The following STK32A variants were observed in gnomAD, a reference collection of about 807,000 sequenced individuals.
The protein encoded by STK32A is serine/threonine kinase 32A.
Under a neutral mutation model 53.2 loss-of-function variants are expected in STK32A, and 41 were observed. The ratio of observed to expected loss-of-function variants is 0.77; its 90% confidence interval spans 0.60 to 1.00. The LOEUF is 1.00. STK32A is among the 50% of genes least tolerant of loss of function. The pLI, the probability that STK32A is intolerant of heterozygous loss-of-function variation, is 0.00. For synonymous variants in STK32A, 166 were observed against 162.8 expected (o/e 1.02, Z -0.15); for missense variants, 458 against 485.8 (o/e 0.94, Z 0.54).
intron 2 of STK32A, among the ~76,000 whole-genome samples, chr5:147,251,471 C>T (rs1477277094): frequency 6.6e-6 from 1 of 152,212 alleles, no homozygotes. Context: ...AAGATTAAGC[C>T]ACTGACCTTA....
chr5:147,286,068 T>C (rs1023946030), intron 4 of STK32A, among the ~76,000 whole-genome samples: 1 of 152,154 alleles, frequency 6.6e-6, no homozygotes, highest in Admixed American at 6.6e-5. Context: ...GTGGTATATG[T>C]ATACATGATG....
intron 2 of STK32A, among the ~76,000 whole-genome samples, chr5:147,245,546 G>C (rs1753741630): frequency 6.6e-6 from 1 of 152,084 alleles, no homozygotes; most frequent in Admixed American, 6.6e-5. Context: ...TTACAGGAGA[G>C]AGTGGACTTG....
At chr5:147,288,908 T>C (rs1332355033) in intron 4 of STK32A, among the ~76,000 whole-genome samples, 1 of 152,210 alleles carries the variant, frequency 6.6e-6, no homozygotes, top group African/African-American at 2.4e-5. Flanking sequence ...TTTACATTTA[T>C]AAATGAAATG....
intron 4 of STK32A, among the ~76,000 whole-genome samples, chr5:147,310,161 G>A (rs1228672960): frequency 6.6e-6 from 1 of 152,162 alleles, no homozygotes; most frequent in Non-Finnish European, 1.5e-5. Flanking sequence ...GAGAATAGTA[G>A]AGCCCCTGAG....
chr5:147,269,269 C>A (rs947741847), intron 2 of STK32A, among the ~76,000 whole-genome samples: 1 of 152,140 alleles, frequency 6.6e-6, no homozygotes, highest in East Asian at 1.9e-4. Context: ...GACTGTAGGA[C>A]CCCTGAAGGC....
At position 147,279,327 on chromosome 5, in the gene STK32A, T is replaced by C. The variant is rs1452373023; in HGVS notation, c.189T>C (p.Asn63=). Residue 63 remains asparagine, a synonymous_variant, in exon 4 of 13, where the codon AAT becomes AAC. Coordinates refer to ENST00000397936, the MANE Select transcript of STK32A (RefSeq NM_001112724.2). ...YMNKQKCVER[N]EVRNVFKELQ... ...ATAAACAAAAGTGCGTGGAGCGCAA[T>C]GAAGTGAGAAATGTCTTCAAGGAAC... 1.9e-6 allele frequency: 3 copies of C among 1,613,694 alleles called. No individual in the cohort carries two copies. Among genetic ancestry groups the C allele is most frequent in the East Asian group, 2.2e-5 (1 of 44,834 alleles).
At chr5:147,252,527 T>C (rs977706291) in intron 2 of STK32A, among the ~76,000 whole-genome samples, 1 of 152,148 alleles carries the variant, frequency 6.6e-6, no homozygotes, top group African/African-American at 2.4e-5. Flanking sequence ...GTATCTGATA[T>C]AAAGGTAGAT....
rs531041428 is a variant in STK32A, at chr5:147,239,889, C to T, written c.52+203C>T. Reference sequence around the variant, plus strand: ...TTCCATGGGACCTTTGGCAGCTTTCCTAATCTCCACTATACCAATGTCCTT... The same window carrying T: ...TTCCATGGGACCTTTGGCAGCTTTCTTAATCTCCACTATACCAATGTCCTT... On this transcript the variant is annotated intron_variant, in intron 2 of 12. Transcript: ENST00000397936. The T allele has an allele frequency of 4.7e-5, 26 of 557,920 alleles. No homozygotes were observed. In the South Asian group the frequency reaches 5.3e-4, roughly 11 times the overall value. The allele number at this position is 557,920 out of a possible 1,614,324, so 34.6% of individuals were successfully genotyped here.
intron 1 of STK32A, among the ~76,000 whole-genome samples, chr5:147,238,170 T>C (rs1753407111): frequency 6.6e-6 from 1 of 152,248 alleles, no homozygotes; most frequent in African/African-American, 2.4e-5. Flanking sequence ...TTGTACAAAA[T>C]CTAGACCTTT....
At chr5:147,252,481 T>C (rs1754040837) in intron 2 of STK32A, among the ~76,000 whole-genome samples, 1 of 152,200 alleles carries the variant, frequency 6.6e-6, no homozygotes, top group African/African-American at 2.4e-5. Context: ...GGCTGTCATA[T>C]AGTCCTGAAA....
At chr5:147,383,231 C>T (rs778516985) in intron 11 of STK32A, 4 of 583,922 alleles carry the variant, frequency 6.9e-6, no homozygotes, top group African/African-American at 3.9e-5. Flanking sequence ...CCAGTGCAAT[C>T]GCTGTCTAGG....
intron 6 of STK32A, chr5:147,348,805 CA>C: frequency 1.4e-6 from 1 of 720,536 alleles, no homozygotes; most frequent in Non-Finnish European, 2.6e-6. Context: ...CGGATATCAA[CA>C]ATTAAACGCT....
intron 8 of STK32A, 102 bp downstream of exon 8, chr5:147,361,716 C>A: frequency 1.2e-6 from 1 of 846,190 alleles, no homozygotes; most frequent in Non-Finnish European, 1.9e-6. Flanking sequence ...CACTTGAAAG[C>A]TGAAATCAGC....
chr5:147,399,092 T>C, the STK32A span: 3 of 1,614,038 alleles, frequency 1.9e-6, 1 homozygote, highest in East Asian at 6.7e-5. Flanking sequence ...AGACTGGTGG[T>C]TCTTGGCAGA....
chr5:147,398,902 G>A, the STK32A span, among the ~76,000 whole-genome samples: 1 of 152,232 alleles, frequency 6.6e-6, no homozygotes, highest in Non-Finnish European at 1.5e-5. Flanking sequence ...GAGCCCATCT[G>A]CTTTGGAAAG....
chr5:147,292,515 A>G (rs932463469), intron 4 of STK32A, among the ~76,000 whole-genome samples: 4 of 152,204 alleles, frequency 2.6e-5, no homozygotes. Flanking sequence ...AAAATTCTTG[A>G]CTTTGGAAAA....
chr5:147,302,306 G>T (rs554338812), intron 4 of STK32A, among the ~76,000 whole-genome samples: 5 of 152,268 alleles, frequency 3.3e-5, no homozygotes, highest in African/African-American at 1.2e-4. Context: ...AAAAGGGTCA[G>T]AATCTAGTTT....
chr5:147,363,593 C>T (rs999674296), intron 8 of STK32A, among the ~76,000 whole-genome samples: 1 of 152,208 alleles, frequency 6.6e-6, no homozygotes, highest in African/African-American at 2.4e-5. Flanking sequence ...AAGGATAGCA[C>T]ATGTTCACAG....
intron 4 of STK32A, among the ~76,000 whole-genome samples, chr5:147,298,114 T>C (rs1315556731): frequency 6.6e-6 from 1 of 152,218 alleles, no homozygotes. Context: ...TGTAGTTGTT[T>C]CATTTGTTCT....
Sources: allele counts gnomAD v4.1 joint callset (sites outside exome capture counted in the v4.1 genomes callset), GRCh38; gene constraint gnomAD v4.1.1; transcripts MANE v1.5; gene names NCBI Gene and HGNC (gene_info 2026-07-23, HGNC 2026-07-21).